OPCML: variants seen among roughly 807,000 people sequenced by gnomAD.
OPCML encodes the protein opioid binding protein/cell adhesion molecule like.
OPCML carries 13 observed loss-of-function variants against 37.8 expected under a neutral mutation model. The observed-to-expected ratio is 0.34, with a 90% CI of 0.22 to 0.55. The LOEUF is 0.55. Ranked by LOEUF, OPCML falls within the 20% of genes least tolerant of loss-of-function variation. OPCML has a pLI of 0.91. For synonymous variants in OPCML, 176 were observed against 168.8 expected (o/e 1.04, Z -0.33); for missense variants, 341 against 435.6 (o/e 0.78, Z 1.93).
intron 2 of OPCML, among the ~76,000 whole-genome samples, chr11:132,910,453 G>A (rs1022411887): frequency 2.0e-5 from 3 of 152,224 alleles, no homozygotes; most frequent in Admixed American, 6.5e-5. Flanking sequence ...GGATATTACA[G>A]AATAAAACTT....
intron 2 of OPCML, among the ~76,000 whole-genome samples, chr11:132,686,968 A>G (rs1943186722): frequency 6.6e-6 from 1 of 152,190 alleles, no homozygotes; most frequent in South Asian, 2.1e-4. Flanking sequence ...CCTTCTGGAC[A>G]TCAGAGATAT....
intron 2 of OPCML, among the ~76,000 whole-genome samples, chr11:132,755,711 C>G (rs980307217): frequency 2.0e-5 from 3 of 152,164 alleles, no homozygotes; most frequent in Admixed American, 6.5e-5. Context: ...ACTTGCTTTG[C>G]TATAGCTCAC....
At chr11:133,438,855 C>G (rs573933541) in intron 1 of OPCML, among the ~76,000 whole-genome samples, 2 of 152,218 alleles carry the variant, frequency 1.3e-5, no homozygotes, top group African/African-American at 4.8e-5. Context: ...TTCATGAAAG[C>G]CCCTAAGTAT....
chr11:133,257,357 C>T (rs1439074282), intron 1 of OPCML, among the ~76,000 whole-genome samples: 1 of 152,122 alleles, frequency 6.6e-6, no homozygotes, highest in Non-Finnish European at 1.5e-5. Flanking sequence ...GAAAGGCAGC[C>T]CTGTGGGATG....
intron 4 of OPCML, among the ~76,000 whole-genome samples, chr11:132,441,165 G>GTTTTTGTTTTTTTTT (rs2096031884): frequency 1.4e-5 from 1 of 72,402 alleles, no homozygotes; most frequent in Non-Finnish European, 2.3e-5. Flanking sequence ...GGACTTTTTT[G>GTTTTTGTTTTTTTTT]TTTTTTTTTT....
At chr11:132,899,464 T>C (rs1222620150) in intron 2 of OPCML, among the ~76,000 whole-genome samples, 1 of 152,174 alleles carries the variant, frequency 6.6e-6, no homozygotes, top group Non-Finnish European at 1.5e-5. Flanking sequence ...CCTTCTCTTC[T>C]AGGGAAGAGA....
At position 132,692,073 on chromosome 11, in the gene OPCML, C is replaced by T. The variant is rs547937853; in HGVS notation, c.147-34754G>A. On this transcript the variant is annotated intron_variant, in intron 2 of 7. Transcript: ENST00000524381. ...AATCTAACACAATGCAGCACCTGCTCCCCGACTGATTTCTAGTGTTCTTCA... is the reference window on the plus strand; with the variant it reads ...AATCTAACACAATGCAGCACCTGCTTCCCGACTGATTTCTAGTGTTCTTCA... 2.6e-5 allele frequency among the ~76,000 whole-genome samples: 4 copies of T among 152,248 alleles called. No homozygotes were observed. In the South Asian group the frequency reaches 8.3e-4, roughly 32 times the overall value.
intron 1 of OPCML, among the ~76,000 whole-genome samples, chr11:133,262,123 T>A (rs1429542336): frequency 6.6e-6 from 1 of 152,254 alleles, no homozygotes; most frequent in Non-Finnish European, 1.5e-5. Context: ...TACGGCATGA[T>A]GTTTTGATAT....
chr11:133,093,780 T>TA (rs1051258586), intron 1 of OPCML, among the ~76,000 whole-genome samples: 4 of 151,870 alleles, frequency 2.6e-5, no homozygotes, highest in Non-Finnish European at 5.9e-5. Context: ...GTACTTATTT[T>TA]TTTTTTTAAA....
At chr11:133,038,144 C>T (rs1947815851) in intron 1 of OPCML, among the ~76,000 whole-genome samples, 2 of 152,226 alleles carry the variant, frequency 1.3e-5, no homozygotes, top group South Asian at 2.1e-4. Flanking sequence ...GCCTGGGAAC[C>T]GAGTGCATGG....
rs1458212328 is a variant in OPCML at position 133,252,716 on chromosome 11, G to A, written c.61+279548C>T. Among the ~76,000 whole-genome samples the A allele has an allele frequency of 2.0e-5, 3 of 152,252 alleles. No homozygotes were observed. The South Asian group carries it at 6.2e-4, about 32-fold the overall frequency. On this transcript the variant is annotated intron_variant, in intron 1 of 7. Coordinates refer to ENST00000524381, the MANE Select transcript of OPCML (RefSeq NM_001012393.5). ...CCAGTTAGAGCATGACAGCCACTCGGGCTTTTTTTTCTTTTTTTCCCTTGA... is the reference window on the plus strand; with the variant it reads ...CCAGTTAGAGCATGACAGCCACTCGAGCTTTTTTTTCTTTTTTTCCCTTGA...
intron 1 of OPCML, among the ~76,000 whole-genome samples, chr11:133,201,783 G>A (rs1172921473): frequency 1.3e-5 from 2 of 152,184 alleles, no homozygotes; most frequent in Non-Finnish European, 2.9e-5. Flanking sequence ...ACTGGCTAAA[G>A]CCACTATGTC....
At chr11:133,406,614 A>G (rs898713042) in intron 1 of OPCML, among the ~76,000 whole-genome samples, 9 of 152,322 alleles carry the variant, frequency 5.9e-5, no homozygotes, top group African/African-American at 1.2e-4. Context: ...AGCTGCTCCA[A>G]TGAGATGTAA....
chr11:132,727,747 G>T (rs1284196212), intron 2 of OPCML, among the ~76,000 whole-genome samples: 1 of 152,194 alleles, frequency 6.6e-6, no homozygotes, highest in Non-Finnish European at 1.5e-5. Flanking sequence ...AAATACTCAT[G>T]GAATAAAATA....
At chr11:133,106,263 A>G (rs1045032235) in intron 1 of OPCML, among the ~76,000 whole-genome samples, 3 of 152,220 alleles carry the variant, frequency 2.0e-5, no homozygotes, top group African/African-American at 7.2e-5. Context: ...GTGCAGTTGC[A>G]TATCATCATC....
intron 2 of OPCML, among the ~76,000 whole-genome samples, chr11:132,676,718 T>G (rs112600936): frequency 0.034 from 5,102 of 148,868 alleles, 294 homozygotes; most frequent in African/African-American, 0.12. Flanking sequence ...ACATAAAGCC[T>G]TAATAAAATA....
At chr11:133,463,064 G>A (rs1946892226) in intron 1 of OPCML, among the ~76,000 whole-genome samples, 1 of 128,306 alleles carries the variant, frequency 7.8e-6, no homozygotes, top group Non-Finnish European at 1.5e-5. Flanking sequence ...CGCTGTCTAA[G>A]CAAAATAAGC....
At chr11:132,469,507 GTGTA>G (rs1433869527) in intron 4 of OPCML, among the ~76,000 whole-genome samples, 4 of 150,936 alleles carry the variant, frequency 2.7e-5, no homozygotes, top group African/African-American at 9.7e-5. Context: ...ATGTATGTGT[GTGTA>G]TGTGTGTGGG....
At chr11:133,280,238 C>G (rs1038977298) in intron 1 of OPCML, among the ~76,000 whole-genome samples, 15 of 152,202 alleles carry the variant, frequency 9.9e-5, no homozygotes, top group African/African-American at 3.4e-4. Context: ...TCTTTACCAG[C>G]CTGTCCTTTT....
Sources: allele counts gnomAD v4.1 joint callset (sites outside exome capture counted in the v4.1 genomes callset), GRCh38; gene constraint gnomAD v4.1.1; transcripts MANE v1.5; gene names NCBI Gene and HGNC (gene_info 2026-07-23, HGNC 2026-07-21).